The following ACOXL variants were observed in gnomAD, a reference collection of about 807,000 sequenced individuals.
The protein encoded by ACOXL is acyl-CoA oxidase like.
Under a neutral mutation model 71.9 loss-of-function variants are expected in ACOXL, and 70 were observed. The observed-to-expected ratio is 0.97, with a 90% CI of 0.80 to 1.19. ACOXL has a LOEUF of 1.19. ACOXL is among the 50% of genes most tolerant of loss of function. The pLI is 0.00. For synonymous variants in ACOXL, 253 were observed against 281.6 expected (o/e 0.90, Z 1.02); for missense variants, 703 against 736.3 (o/e 0.95, Z 0.52).
At chr2:111,008,120 T>C (rs557011784) in intron 14 of ACOXL, among the ~76,000 whole-genome samples, 35 of 152,322 alleles carry the variant, frequency 2.3e-4, no homozygotes, top group African/African-American at 7.9e-4. Context: ...ATTTCCGAAG[T>C]TTCTTTAATT....
chr2:110,968,706 G>A (rs542909243), intron 12 of ACOXL: 12 of 1,116,786 alleles, frequency 1.1e-5, no homozygotes, highest in East Asian at 5.1e-5. Flanking sequence ...GCTCAGGAGC[G>A]GGCTGCTGAG....
At chr2:110,937,221 A>G (rs1440752513) in intron 12 of ACOXL, among the ~76,000 whole-genome samples, 1 of 152,088 alleles carries the variant, frequency 6.6e-6, no homozygotes, top group African/African-American at 2.4e-5. Flanking sequence ...GGCATTTCTG[A>G]TGACCAGCCC....
chr2:110,905,279 T>C (rs971176504), intron 10 of ACOXL, among the ~76,000 whole-genome samples: 2 of 152,058 alleles, frequency 1.3e-5, no homozygotes, highest in Admixed American at 1.3e-4. Flanking sequence ...CCACCAAAAA[T>C]GAGTCCAATT....
chr2:110,910,479 A>G (rs1159969491), intron 11 of ACOXL, among the ~76,000 whole-genome samples: 1 of 152,216 alleles, frequency 6.6e-6, no homozygotes, highest in Non-Finnish European at 1.5e-5. Flanking sequence ...CCTAGAGAGG[A>G]CTTGCTGGAT....
intron 10 of ACOXL, among the ~76,000 whole-genome samples, chr2:110,881,901 T>TTA (rs1295461808): frequency 2.0e-5 from 3 of 152,028 alleles, no homozygotes; most frequent in Non-Finnish European, 4.4e-5. Flanking sequence ...GTTTTTTTTT[T>TTA]ATTGGGGAGC....
chr2:110,801,792 G>C, intron 8 of ACOXL, 68 bp downstream of exon 8: 3 of 1,386,876 alleles, frequency 2.2e-6, no homozygotes, highest in Non-Finnish European at 3.1e-6. Context: ...AGTTGGCTTG[G>C]GTCTTGGGTC....
At chr2:110,987,759 C>A (rs2062994100) in intron 13 of ACOXL, among the ~76,000 whole-genome samples, 1 of 152,138 alleles carries the variant, frequency 6.6e-6, no homozygotes, top group Admixed American at 6.5e-5. Context: ...AGTATAGGTG[C>A]AGAACTCCTC....
rs1281600363 is a variant in ACOXL, at chr2:110,987,196, T to TG, written c.1153dup (p.Asp385GlyfsTer11). 6.3e-7 allele frequency: 1 copy of TG among 1,575,384 alleles called. No homozygotes were observed. Among genetic ancestry groups the TG allele is most frequent in the Non-Finnish European group, 8.6e-7 (1 of 1,157,552 alleles). ...CTGCTCCAAAACTGGGCTGAATCTG[T>TG]GGGGGACAAGCTGAGAACCAGGTAC... On this transcript the variant is annotated frameshift_variant, in exon 13 of 18. Transcript: ENST00000439055. LOFTEE classifies it high-confidence loss of function.
At chr2:110,984,695 AC>A (rs1232369578) in intron 12 of ACOXL, among the ~76,000 whole-genome samples, 1 of 152,172 alleles carries the variant, frequency 6.6e-6, no homozygotes, top group Non-Finnish European at 1.5e-5. Context: ...AGTTAGTTCT[AC>A]CCAATTTTAG....
intron 1 of ACOXL, among the ~76,000 whole-genome samples, chr2:110,746,327 C>T (rs1038053773): frequency 1.3e-5 from 2 of 152,104 alleles, no homozygotes; most frequent in Non-Finnish European, 2.9e-5. Flanking sequence ...AGATCCCTGG[C>T]TGTTCTCTCT....
rs775868576 is a variant in ACOXL, at chr2:110,963,597, GTGTGTGTT to G, written c.1060-23509_1060-23502del. The G allele has an allele frequency of 2.2e-3, 2,871 of 1,296,268 alleles. 15 individuals carry two copies. In the East Asian group the frequency reaches 0.097, roughly 44 times the overall value. The allele number at this position is 1,296,268 out of a possible 1,614,324, so 80.3% of individuals were successfully genotyped here. ...TGTGTGTGTGTGTGTGTGTGTGTGTGTGTGTGTTTTTCTCTTTCTGCAACAGGGTTACA... is the reference window on the plus strand; with the variant it reads ...TGTGTGTGTGTGTGTGTGTGTGTGTGTTTCTCTTTCTGCAACAGGGTTACA... On this transcript the variant is annotated intron_variant, in intron 12 of 17. Transcript: ENST00000439055.
chr2:110,763,534 G>T (rs1680671026), intron 1 of ACOXL, among the ~76,000 whole-genome samples: 1 of 152,014 alleles, frequency 6.6e-6, no homozygotes, highest in Non-Finnish European at 1.5e-5. Context: ...ACCCTTCACA[G>T]AAAGTAACTC....
chr2:110,800,213 C>A (rs1221057741), intron 7 of ACOXL, among the ~76,000 whole-genome samples: 1 of 152,200 alleles, frequency 6.6e-6, no homozygotes, highest in African/African-American at 2.4e-5. Flanking sequence ...AGGTCTGTGG[C>A]TTCATTCTTG....
intron 1 of ACOXL, among the ~76,000 whole-genome samples, chr2:110,749,676 C>T (rs764926828): frequency 1.3e-5 from 2 of 152,176 alleles, no homozygotes; most frequent in South Asian, 2.1e-4. Context: ...TGCAGTGAGC[C>T]GAGATCGCGC....
At position 110,768,419 on chromosome 2, in the gene ACOXL, GTT is replaced by G; in HGVS notation, c.32_33del (p.Phe11CysfsTer61). ...GAGCTTTGACAGTTCAGAGAGTGAA[GTT>G]TGCCATGGACCTGCCTCTGTTAAAA... MRALTVQRVK[F>X]AMDLPLLKRA... On this transcript the variant is annotated frameshift_variant, in exon 2 of 18. Coordinates refer to ENST00000439055, the MANE Select transcript of ACOXL (RefSeq NM_001142807.4). LOFTEE classifies it high-confidence loss of function. 4 of 1,613,878 alleles carry G rather than the reference GTT, an allele frequency of 2.5e-6. No individual in the cohort carries two copies. The highest frequency in any genetic ancestry group is 3.4e-6 in the Non-Finnish European group (4 of 1,179,982).
intron 11 of ACOXL, among the ~76,000 whole-genome samples, chr2:110,926,225 G>A (rs1384898922): frequency 6.6e-6 from 1 of 152,198 alleles, no homozygotes; most frequent in Non-Finnish European, 1.5e-5. Flanking sequence ...AAGACACAAA[G>A]TGAATATGTG....
At chr2:110,774,397 C>G (rs1423792372) in intron 2 of ACOXL, among the ~76,000 whole-genome samples, 2 of 152,126 alleles carry the variant, frequency 1.3e-5, no homozygotes, top group African/African-American at 4.8e-5. Context: ...AATAGTCTCT[C>G]TGAGCAGATG....
chr2:110,737,306 A>C (rs1282477045), intron 1 of ACOXL, among the ~76,000 whole-genome samples: 2 of 152,234 alleles, frequency 1.3e-5, no homozygotes, highest in Admixed American at 6.5e-5. Context: ...CATATTCCTA[A>C]GTAACATGTC....
At position 111,031,419 on chromosome 2, in the gene ACOXL, A is replaced by G. The variant is rs1291810701; in HGVS notation, c.1282-208A>G. Among the ~76,000 whole-genome samples, 4 of 152,208 alleles carry G rather than the reference A, an allele frequency of 2.6e-5. 1 individual carries two copies. The highest frequency in any genetic ancestry group is 2.6e-4 in the Admixed American group (4 of 15,290). Reference sequence around the variant, plus strand: ...TCCATTAGTATAAATTAATATAAGCATGGAAACAGGGCTTCTCTACATGTA... The same window carrying G: ...TCCATTAGTATAAATTAATATAAGCGTGGAAACAGGGCTTCTCTACATGTA... On this transcript the variant is annotated intron_variant, in intron 14 of 17. Coordinates refer to ENST00000439055, the MANE Select transcript of ACOXL (RefSeq NM_001142807.4).
Sources: allele counts gnomAD v4.1 joint callset (sites outside exome capture counted in the v4.1 genomes callset), GRCh38; gene constraint gnomAD v4.1.1; transcripts MANE v1.5; gene names NCBI Gene and HGNC (gene_info 2026-07-23, HGNC 2026-07-21).